The following NEK1 variants were observed in gnomAD, a reference collection of about 807,000 sequenced individuals.
NEK1 encodes NIMA related kinase 1.
NEK1 carries 137 observed loss-of-function variants against 182.1 expected under a neutral mutation model. The observed-to-expected ratio is 0.75, with a 90% CI of 0.65 to 0.87. The LOEUF is 0.87. Ranked by LOEUF, NEK1 falls within the 40% of genes least tolerant of loss-of-function variation. The probability of loss-of-function intolerance (pLI) is 0.00; values close to 1 mark genes in which losing one functional copy is unlikely to be tolerated. For synonymous variants in NEK1, 513 were observed against 492.2 expected (o/e 1.04, Z -0.56); for missense variants, 1,391 against 1,494.4 (o/e 0.93, Z 1.14).
In NEK1 at chr4:169,507,712, T is replaced by C. The variant is rs992236345; in HGVS notation, c.1911+3A>G. ...GAAAACCTGTATCATTTCTAGTCTA[T>C]ACCTTCAGTGATTCGATTTTTTTGC... On this transcript the variant is annotated splice_donor_region_variant and intron_variant, in intron 22 of 35. Coordinates refer to ENST00000507142, the MANE Select transcript of NEK1 (RefSeq NM_001199397.3). The C allele has an allele frequency of 1.1e-5, 17 of 1,609,414 alleles. No homozygotes were observed. The highest frequency in any genetic ancestry group is 2.2e-5 in the East Asian group (1 of 44,778).
At chr4:169,609,704 G>A (rs1217259435) in intron 2 of NEK1, among the ~76,000 whole-genome samples, 3 of 151,902 alleles carry the variant, frequency 2.0e-5, no homozygotes, top group Non-Finnish European at 4.4e-5. Flanking sequence ...TACAAAGAAG[G>A]CATTTAATAG....
At chr4:169,476,212 C>T (rs569459909) in intron 26 of NEK1, among the ~76,000 whole-genome samples, 42 of 152,178 alleles carry the variant, frequency 2.8e-4, no homozygotes, top group African/African-American at 1.0e-3. Flanking sequence ...CAAATCTCAT[C>T]TCAAATTATA....
At chr4:169,540,581 C>T (rs1297435689) in intron 18 of NEK1, among the ~76,000 whole-genome samples, 1 of 152,024 alleles carries the variant, frequency 6.6e-6, no homozygotes, top group Non-Finnish European at 1.5e-5. Flanking sequence ...CTTCATTAAA[C>T]ACTATTAAGA....
intron 18 of NEK1, among the ~76,000 whole-genome samples, chr4:169,546,164 A>T (rs897214914): frequency 1.3e-5 from 2 of 152,202 alleles, no homozygotes; most frequent in Non-Finnish European, 2.9e-5. Context: ...AATGTGTCCC[A>T]GAGATTCTGG....
chr4:169,431,455 G>T (rs1051434276), intron 29 of NEK1, among the ~76,000 whole-genome samples: 9 of 151,932 alleles, frequency 5.9e-5, no homozygotes, highest in African/African-American at 2.2e-4. Context: ...CCTGATAACC[G>T]ATACATAACA....
intron 2 of NEK1, among the ~76,000 whole-genome samples, chr4:169,611,733 A>C (rs1386965034): frequency 6.6e-6 from 1 of 152,262 alleles, no homozygotes; most frequent in Admixed American, 6.5e-5. Context: ...CAGTAATTTA[A>C]GATTGGACAC....
At chr4:169,568,503 A>G (rs1345091354) in intron 12 of NEK1, among the ~76,000 whole-genome samples, 1 of 151,396 alleles carries the variant, frequency 6.6e-6, no homozygotes, top group Non-Finnish European at 1.5e-5. Flanking sequence ...CTGATTTCAT[A>G]CCAATGAAAT....
chr4:169,492,938 GT>G (rs1232532512), intron 23 of NEK1, among the ~76,000 whole-genome samples: 3 of 152,196 alleles, frequency 2.0e-5, no homozygotes, highest in African/African-American at 7.2e-5. Context: ...GGAGAAGGGG[GT>G]CATCTCTCAC....
At chr4:169,531,100 C>A (rs1757603237) in intron 19 of NEK1, among the ~76,000 whole-genome samples, 1 of 151,594 alleles carries the variant, frequency 6.6e-6, no homozygotes, top group Admixed American at 6.6e-5. Flanking sequence ...GAAAATAATT[C>A]TATAGAAGGC....
chr4:169,562,692 TACA>T (rs763995856), intron 12 of NEK1, among the ~76,000 whole-genome samples: 5 of 152,288 alleles, frequency 3.3e-5, no homozygotes, highest in South Asian at 4.1e-4. Flanking sequence ...ACTATATACA[TACA>T]ACAATTTTAG....
intron 19 of NEK1, among the ~76,000 whole-genome samples, chr4:169,525,212 T>A (rs1459910139): frequency 6.6e-6 from 1 of 152,190 alleles, no homozygotes; most frequent in Non-Finnish European, 1.5e-5. Context: ...CACTGCAACC[T>A]CCACCTCCTG....
chr4:169,544,195 A>C (rs1482987040), intron 18 of NEK1, among the ~76,000 whole-genome samples: 1 of 152,170 alleles, frequency 6.6e-6, no homozygotes, highest in East Asian at 1.9e-4. Flanking sequence ...AAATTTTGTC[A>C]AAGGCCTTTT....
chr4:169,470,084 T>C (rs1005224566), intron 26 of NEK1, among the ~76,000 whole-genome samples: 2 of 152,146 alleles, frequency 1.3e-5, no homozygotes, highest in African/African-American at 4.8e-5. Flanking sequence ...TTTATCCAAT[T>C]TGCCAGTCTG....
At chr4:169,500,130 C>T (rs931112305) in intron 23 of NEK1, among the ~76,000 whole-genome samples, 16 of 152,246 alleles carry the variant, frequency 1.1e-4, no homozygotes, top group African/African-American at 3.6e-4. Flanking sequence ...TCGCTGCCGC[C>T]TTGCAGTTTG....
At chr4:169,568,321 G>A (rs1764051183) in intron 12 of NEK1, among the ~76,000 whole-genome samples, 2 of 152,132 alleles carry the variant, frequency 1.3e-5, no homozygotes, top group South Asian at 4.1e-4. Context: ...GATTACATTT[G>A]TAAACCATTT....
At chr4:169,595,958 GA>G (rs1351345823) in intron 5 of NEK1, among the ~76,000 whole-genome samples, 1 of 150,610 alleles carries the variant, frequency 6.6e-6, no homozygotes, top group African/African-American at 2.4e-5. Flanking sequence ...AATATATGTG[GA>G]ACCAATACTT....
At chr4:169,431,141 T>A (rs1282032276) in intron 29 of NEK1, among the ~76,000 whole-genome samples, 1 of 151,910 alleles carries the variant, frequency 6.6e-6, no homozygotes, top group African/African-American at 2.4e-5. Flanking sequence ...TCAGAAAAGC[T>A]GAAAACAGAA....
intron 23 of NEK1, among the ~76,000 whole-genome samples, chr4:169,496,061 T>G (rs1052765130): frequency 6.6e-6 from 1 of 152,246 alleles, no homozygotes; most frequent in Non-Finnish European, 1.5e-5. Flanking sequence ...CATTTGTTTG[T>G]ATCCCCTTTT....
intron 2 of NEK1, among the ~76,000 whole-genome samples, chr4:169,607,094 T>C (rs903116146): frequency 3.9e-5 from 6 of 152,208 alleles, no homozygotes; most frequent in Admixed American, 3.9e-4. Context: ...TCCTAAACTG[T>C]GCATACATGG....
Sources: allele counts gnomAD v4.1 joint callset (sites outside exome capture counted in the v4.1 genomes callset), GRCh38; gene constraint gnomAD v4.1.1; transcripts MANE v1.5; gene names NCBI Gene and HGNC (gene_info 2026-07-23, HGNC 2026-07-21).